The following SH3BP5 variants were observed in gnomAD, a reference collection of about 807,000 sequenced individuals.
SH3BP5 encodes SH3 domain binding protein 5, also known as SH3 domain-binding protein 5.
In SH3BP5, 22 loss-of-function variants were observed where a neutral mutation model predicts 43.3. That is an observed-to-expected ratio of 0.51 (90% CI 0.36 to 0.73). The LOEUF (loss-of-function observed/expected upper bound fraction) is 0.73. Ranked by LOEUF, SH3BP5 falls within the 30% of genes least tolerant of loss-of-function variation. The pLI is 0.00. For synonymous variants in SH3BP5, 255 were observed against 225.8 expected, an observed-to-expected ratio of 1.13 and a Z score of -1.16; for missense variants, 529 against 586.9, an observed-to-expected ratio of 0.90 and a Z score of 1.02.
At chr3:15,289,434 A>G (rs1290627933) in intron 3 of SH3BP5, among the ~76,000 whole-genome samples, 1 of 152,180 alleles carries the variant, frequency 6.6e-6, no homozygotes, top group Non-Finnish European at 1.5e-5. Flanking sequence ...TTCAACCACA[A>G]GGTGACGTGG....
At chr3:15,260,042 CG>C (rs1559424494) in intron 5 of SH3BP5, 1 of 558,494 alleles carries the variant, frequency 1.8e-6, no homozygotes, top group Admixed American at 3.1e-5. Context: ...TCTCAAGACA[CG>C]GGGAACCCAC....
At chr3:15,259,665 T>C (rs150474370) in intron 6 of SH3BP5, 96 bp downstream of exon 6, 35 of 1,123,452 alleles carry the variant, frequency 3.1e-5, no homozygotes, top group African/African-American at 4.6e-5. Context: ...TTTCCCCTTA[T>C]AGCAAGTGGC....
At chr3:15,326,347 C>T (rs915915579) in intron 2 of SH3BP5, among the ~76,000 whole-genome samples, 2 of 152,170 alleles carry the variant, frequency 1.3e-5, no homozygotes, top group Non-Finnish European at 2.9e-5. Context: ...AGGAGCAACA[C>T]CTCAGTCTCC....
intron 1 of SH3BP5, among the ~76,000 whole-genome samples, chr3:15,339,142 G>A (rs931464605): frequency 6.6e-6 from 1 of 152,164 alleles, no homozygotes; most frequent in South Asian, 2.1e-4. Context: ...CTTTGAAAGG[G>A]ATCAGAGCCT....
chr3:15,328,477 C>T (rs940693919), intron 2 of SH3BP5, among the ~76,000 whole-genome samples: 1 of 151,994 alleles, frequency 6.6e-6, no homozygotes, highest in African/African-American at 2.4e-5. Context: ...GCCTGTGATC[C>T]CAGCACTTTG....
chr3:15,272,319 C>T (rs1290861058), intron 3 of SH3BP5, among the ~76,000 whole-genome samples: 2 of 152,140 alleles, frequency 1.3e-5, no homozygotes, highest in Non-Finnish European at 2.9e-5. Flanking sequence ...GGAGTGGACA[C>T]TCAGAAGTCT....
intron 7 of SH3BP5, chr3:15,258,288 C>T (rs1264965225): frequency 6.6e-6 from 1 of 152,148 alleles, no homozygotes; most frequent in East Asian, 1.9e-4. Flanking sequence ...GGGGGAGGCC[C>T]TGGGAAAAGA....
chr3:15,274,178 G>A (rs1322594792), intron 3 of SH3BP5, among the ~76,000 whole-genome samples: 5 of 152,052 alleles, frequency 3.3e-5, no homozygotes, highest in Middle Eastern at 3.4e-3. Flanking sequence ...CCCAGGAGGC[G>A]GAGGTTGCAG....
chr3:15,325,944 G>A (rs191303161), intron 2 of SH3BP5, among the ~76,000 whole-genome samples: 29 of 152,228 alleles, frequency 1.9e-4, no homozygotes, highest in African/African-American at 5.5e-4. Context: ...GCTTGAACCC[G>A]GGAGGCTGAG....
Position 15,332,103 on chromosome 3 carries a change from T to C in SH3BP5, c.138+168A>G, listed in dbSNP as rs1698626521. 5.5e-6 allele frequency: 6 copies of C among 1,094,220 alleles called. No individual in the cohort carries two copies. In the South Asian group the frequency reaches 7.7e-5, roughly 14 times the overall value. The allele number at this position is 1,094,220 out of a possible 1,614,324, so 67.8% of individuals were successfully genotyped here. On this transcript the variant is annotated intron_variant, in intron 1 of 8. Coordinates refer to ENST00000383791, the MANE Select transcript of SH3BP5 (RefSeq NM_004844.5). ...CCACGCGGGCACTGTAGCCTCCTCA[T>C]TGTGGAGACGATGAAACGGAGCATA...
Position 15,257,065 on chromosome 3 carries a change from T to G in SH3BP5, c.938A>C (p.Glu313Ala). 4 of 1,614,180 alleles carry G rather than the reference T, an allele frequency of 2.5e-6. No homozygotes were observed. The highest frequency in any genetic ancestry group is 3.4e-6 in the Non-Finnish European group (4 of 1,180,032). The change falls in exon 8 of 9, where the codon GAA (glutamate) becomes GCA (alanine). Residue 313 changes from glutamate to alanine, a missense_variant. Physicochemically the swap from Glu to Ala is moderately radical, Grantham distance 107 (BLOSUM62 -1). Around this residue, in one of 3 missense-constraint regions of SH3BP5, gnomAD observed 369 missense variants for 384.3 expected, o/e 0.96. Coordinates refer to ENST00000383791, the MANE Select transcript of SH3BP5 (RefSeq NM_004844.5). ...EDDSCSNFVS[E>A]DDSETQSVSS... ...CACGGACTGGGTTTCCGAGTCATCT[T>G]CAGACACAAAGTTGCTACAGCTGTC... is the stretch of plus-strand genomic sequence containing the variant.
At chr3:15,265,560 AACCCTCCAGCTCCTGGAAGAGACCTC>A (rs1696615056) in intron 4 of SH3BP5, among the ~76,000 whole-genome samples, 1 of 131,694 alleles carries the variant, frequency 7.6e-6, no homozygotes, top group Non-Finnish European at 1.7e-5. Flanking sequence ...ACACACACAC[AACCCTCCAGCTCCTGGAAGAGACCTC>A]CACACAACTC....
At chr3:15,324,839 C>A (rs1197345468) in intron 2 of SH3BP5, among the ~76,000 whole-genome samples, 7 of 148,882 alleles carry the variant, frequency 4.7e-5, no homozygotes, top group African/African-American at 1.7e-4. Context: ...TTTGTTTGTA[C>A]CATTGCTCCT....
intron 3 of SH3BP5, among the ~76,000 whole-genome samples, chr3:15,278,223 G>A (rs150717058): frequency 1.8e-4 from 28 of 152,302 alleles, no homozygotes; most frequent in African/African-American, 4.8e-4. Flanking sequence ...CCCCTCCCCC[G>A]GCTAGAAGCT....
At chr3:15,268,216 G>T (rs1019145703) in intron 4 of SH3BP5, among the ~76,000 whole-genome samples, 1 of 152,218 alleles carries the variant, frequency 6.6e-6, no homozygotes, top group East Asian at 1.9e-4. Flanking sequence ...TTTGACTCTT[G>T]AAGTCATTTG....
chr3:15,282,894 GATT>G (rs1697167452), intron 3 of SH3BP5, among the ~76,000 whole-genome samples: 1 of 152,106 alleles, frequency 6.6e-6, no homozygotes, highest in African/African-American at 2.4e-5. Flanking sequence ...GTGGTCCACT[GATT>G]ATTCTACTTT....
chr3:15,275,907 C>G (rs1696948870), intron 3 of SH3BP5: 2 of 150,896 alleles, frequency 1.3e-5, no homozygotes, highest in African/African-American at 4.9e-5. Context: ...GTACTCCCAG[C>G]TACTCGGGAG....
At chr3:15,338,866 A>G (rs1698731932) in intron 1 of SH3BP5, among the ~76,000 whole-genome samples, 1 of 152,136 alleles carries the variant, frequency 6.6e-6, no homozygotes, top group Admixed American at 6.6e-5. Context: ...TTAACCTCAG[A>G]ACCCTATTGG....
chr3:15,337,086 T>A (rs1252374077), upstream of SH3BP5, among the ~76,000 whole-genome samples: 2 of 130,390 alleles, frequency 1.5e-5, no homozygotes, highest in Non-Finnish European at 3.2e-5. Context: ...TTAGTTTAGT[T>A]TTTTTTTTTT....
Sources: gnomAD v4.1 joint callset for allele counts (sites outside exome capture counted in the v4.1 genomes callset) on GRCh38, gnomAD v4.1.1 for gene constraint, gnomAD v4.1.1 regional missense constraint, MANE v1.5 for transcripts, NCBI Gene and HGNC (gene_info 2026-07-23, HGNC 2026-07-21) for gene names.